Variants in METTL15 observed in about 807,000 individuals in gnomAD.
METTL15 encodes the protein 12S rRNA N(4)-cytidine methyltransferase METTL15.
In METTL15, 34 loss-of-function variants were observed where a neutral mutation model predicts 38.3. The ratio of observed to expected loss-of-function variants is 0.89; its 90% CI spans 0.68 to 1.18. The LOEUF (loss-of-function observed/expected upper bound fraction) is 1.18, where lower values mean the gene tolerates loss of function less well. Ranked by LOEUF, METTL15 falls within the 50% of genes most tolerant of loss-of-function variation. The probability of loss-of-function intolerance (pLI) is 0.00; values close to 1 mark genes in which losing one functional copy is unlikely to be tolerated. For missense variants in METTL15, 438 were observed against 498.4 expected (o/e 0.88, Z 1.15); for synonymous variants, 162 against 170.9 (o/e 0.95, Z 0.41).
At chr11:28,131,544 A>T (rs1443575916) in intron 3 of METTL15, among the ~76,000 whole-genome samples, 1 of 150,386 alleles carries the variant, frequency 6.6e-6, no homozygotes, top group African/African-American at 2.4e-5. Context: ...CAGTCACAAA[A>T]GATGCCTGAT....
At chr11:28,165,605 G>A (rs1484658382) in intron 3 of METTL15, among the ~76,000 whole-genome samples, 1 of 151,648 alleles carries the variant, frequency 6.6e-6, no homozygotes, top group African/African-American at 2.4e-5. Flanking sequence ...TCTCATCCTG[G>A]GTTATTTCTT....
intron 4 of METTL15, among the ~76,000 whole-genome samples, chr11:28,243,572 C>T (rs375935623): frequency 6.6e-6 from 1 of 151,972 alleles, no homozygotes; most frequent in African/African-American, 2.4e-5. Flanking sequence ...GCCAATGTTG[C>T]GGCATTCAAA....
intron 3 of METTL15, among the ~76,000 whole-genome samples, chr11:28,132,171 T>C (rs1265096327): frequency 6.6e-6 from 1 of 152,204 alleles, no homozygotes; most frequent in African/African-American, 2.4e-5. Context: ...GTTATGCTTC[T>C]TGGGTCTCCT....
chr11:28,361,251 G>T (rs1850135835), intron 4 of METTL15, among the ~76,000 whole-genome samples: 1 of 150,626 alleles, frequency 6.6e-6, no homozygotes, highest in Non-Finnish European at 1.5e-5. Flanking sequence ...TTCCACAATG[G>T]TTGAACTAGT....
At chr11:28,139,754 A>G (rs908383580) in intron 3 of METTL15, among the ~76,000 whole-genome samples, 2 of 144,754 alleles carry the variant, frequency 1.4e-5, no homozygotes, top group South Asian at 2.2e-4. Flanking sequence ...TTCCAAAAGG[A>G]AAAAAAAAAA....
chr11:28,264,760 A>G (rs141084929), intron 4 of METTL15, among the ~76,000 whole-genome samples: 168 of 152,220 alleles, frequency 1.1e-3, no homozygotes, highest in African/African-American at 3.9e-3. Context: ...TTCTTCCACA[A>G]ATTAACAATT....
intron 5 of METTL15, among the ~76,000 whole-genome samples, chr11:28,391,978 C>A (rs1850513832): frequency 6.6e-6 from 1 of 152,092 alleles, no homozygotes; most frequent in Non-Finnish European, 1.5e-5. Flanking sequence ...TCTAATTAAA[C>A]TAAAGAGCTT....
Position 28,444,803 on chromosome 11 carries a change from T to C in METTL15, c.*424+20439T>C, listed in dbSNP as rs1038261508. On this transcript the variant is annotated intron_variant and NMD_transcript_variant, in intron 6 of 7. Transcript: ENST00000532947. ...CTGTCCTAGGTTTACATTCTCACCG[T>C]AGCCTACACGGAAATAAACTGTAAG... is the stretch of plus-strand genomic sequence containing the variant. Among the ~76,000 whole-genome samples the C allele has an allele frequency of 2.7e-4, 41 of 152,076 alleles. 1 individual carries two copies. Among genetic ancestry groups the C allele is most frequent in the Admixed American group, 1.3e-4 (2 of 15,270 alleles).
intron 5 of METTL15, among the ~76,000 whole-genome samples, chr11:28,423,644 A>T (rs983599989): frequency 6.6e-6 from 1 of 152,078 alleles, no homozygotes; most frequent in African/African-American, 2.4e-5. Context: ...TTGGGAAGCT[A>T]AGAATTAAAA....
chr11:28,111,793 TAAG>T (rs1252148113), intron 2 of METTL15, among the ~76,000 whole-genome samples: 2 of 152,250 alleles, frequency 1.3e-5, no homozygotes, highest in Admixed American at 1.3e-4. Context: ...TGGTGCTTAG[TAAG>T]TGCTAAATAA....
chr11:28,266,728 G>A (rs1565211621), intron 4 of METTL15, among the ~76,000 whole-genome samples: 1 of 152,156 alleles, frequency 6.6e-6, no homozygotes, highest in African/African-American at 2.4e-5. Context: ...ACCTGGATCA[G>A]TGCAACAGTC....
At chr11:28,417,870 A>G (rs1008053412) in intron 5 of METTL15, among the ~76,000 whole-genome samples, 1 of 152,208 alleles carries the variant, frequency 6.6e-6, no homozygotes, top group Non-Finnish European at 1.5e-5. Flanking sequence ...ATGTATAAAA[A>G]TAGGTTCATC....
At chr11:28,175,369 C>A (rs1851032516) in intron 3 of METTL15, among the ~76,000 whole-genome samples, 1 of 152,084 alleles carries the variant, frequency 6.6e-6, no homozygotes, top group Non-Finnish European at 1.5e-5. Context: ...TGGGTTGGTT[C>A]CAAGTCTTTG....
chr11:28,207,744 C>A (rs917400751), intron 3 of METTL15, among the ~76,000 whole-genome samples: 3 of 151,746 alleles, frequency 2.0e-5, no homozygotes, highest in Non-Finnish European at 4.4e-5. Flanking sequence ...GGTCCTGGAC[C>A]CTTTTTGGAT....
chr11:28,312,318 T>C (rs1405351847), intron 6 of METTL15, among the ~76,000 whole-genome samples: 1 of 152,234 alleles, frequency 6.6e-6, no homozygotes, highest in African/African-American at 2.4e-5. Context: ...AACAATGATA[T>C]TGAAGCTACT....
intron 5 of METTL15, among the ~76,000 whole-genome samples, chr11:28,372,770 T>A (rs1172574319): frequency 3.4e-5 from 2 of 59,318 alleles, no homozygotes; most frequent in Admixed American, 2.7e-4. Context: ...CCCTCCCCCC[T>A]CCCCCCACCC....
chr11:28,343,606 A>G (rs1849973607), intron 3 of METTL15, among the ~76,000 whole-genome samples: 2 of 152,236 alleles, frequency 1.3e-5, no homozygotes, highest in Admixed American at 6.5e-5. Flanking sequence ...AACAGGATCA[A>G]ATGCTAAATC....
At chr11:28,292,986 T>G (rs1215171939) in intron 5 of METTL15, among the ~76,000 whole-genome samples, 1 of 152,170 alleles carries the variant, frequency 6.6e-6, no homozygotes, top group Non-Finnish European at 1.5e-5. Context: ...TTGCAAAAAT[T>G]TTCTGCCATT....
chr11:28,183,986 G>T (rs1329516423), intron 3 of METTL15, among the ~76,000 whole-genome samples: 1 of 152,044 alleles, frequency 6.6e-6, no homozygotes. Context: ...TTACTCTTGG[G>T]AGGGTGTGTG....
Sources: gnomAD v4.1 joint callset for allele counts (sites outside exome capture counted in the v4.1 genomes callset) on GRCh38, gnomAD v4.1.1 for gene constraint, MANE v1.5 for transcripts, NCBI Gene and HGNC (gene_info 2026-07-23, HGNC 2026-07-21) for gene names.